RAB7A: variants seen among roughly 807,000 people sequenced by gnomAD.
The protein encoded by RAB7A is RAB7A, member RAS oncogene family, also known as ras-related protein Rab-7a.
In RAB7A, 2 loss-of-function variants were observed where a neutral mutation model predicts 24.5. The observed-to-expected ratio is 0.08, with a 90% CI of 0.03 to 0.26. RAB7A has a LOEUF of 0.26. RAB7A is among the 10% of genes least tolerant of loss of function. The pLI is 1.00. For synonymous variants in RAB7A, 100 were observed against 95.9 expected (o/e 1.04, Z -0.25); for missense variants, 118 against 255.7 (o/e 0.46, Z 3.67).
chr3:128,771,847 A>G (rs1932945218), intron 1 of RAB7A, among the ~76,000 whole-genome samples: 1 of 152,202 alleles, frequency 6.6e-6, no homozygotes, highest in Non-Finnish European at 1.5e-5. Flanking sequence ...CCTGGAAGCC[A>G]TTGCATTCTG....
At chr3:128,784,070 C>T (rs575440225) in intron 1 of RAB7A, among the ~76,000 whole-genome samples, 2 of 152,290 alleles carry the variant, frequency 1.3e-5, no homozygotes, top group Admixed American at 6.5e-5. Context: ...TTAGCACAGG[C>T]GTCTAGATAG....
chr3:128,800,135 G>C (rs902076717), intron 3 of RAB7A, among the ~76,000 whole-genome samples: 4 of 152,122 alleles, frequency 2.6e-5, no homozygotes, highest in Non-Finnish European at 5.9e-5. Flanking sequence ...TTTTCTAAAA[G>C]AAGACTTAAA....
Position 128,775,267 on chromosome 3 carries a change from C to T in RAB7A, c.-8-20093C>T, listed in dbSNP as rs138286359. ...GTTCAGATGGGAACTGGTAGGCCAC[C>T]TGGCTTTTAGTGAGACTGTTCACCT... On this transcript the variant is annotated intron_variant, in intron 1 of 5. Coordinates refer to ENST00000265062, the MANE Select transcript of RAB7A (RefSeq NM_004637.6). 3.3e-3 allele frequency among the ~76,000 whole-genome samples: 504 copies of T among 152,312 alleles called. 4 individuals carry two copies. The highest frequency in any genetic ancestry group is 0.012 in the African/African-American group (479 of 41,574).
At chr3:128,742,448 A>G (rs2070564178) in intron 1 of RAB7A, among the ~76,000 whole-genome samples, 1 of 152,114 alleles carries the variant, frequency 6.6e-6, no homozygotes, top group African/African-American at 2.4e-5. Flanking sequence ...TCCCAGCCAC[A>G]TCCTGCTGAT....
rs567683496 is a variant in RAB7A at position 128,772,665 on chromosome 3, G to T, written c.-8-22695G>T. Among the ~76,000 whole-genome samples, 5 of 152,324 alleles carry T rather than the reference G, an allele frequency of 3.3e-5. No homozygotes were observed. In the South Asian group the frequency reaches 8.3e-4, roughly 25 times the overall value. The stretch of plus-strand genomic sequence containing the variant: ...CCCTTTCGCAAATTGTTGGACTTGT[G>T]GTGGTTGTCTTGTGTCCCTAGTATC... On this transcript the variant is annotated intron_variant, in intron 1 of 5. Transcript: ENST00000265062.
chr3:128,782,000 G>A (rs1000125580), intron 1 of RAB7A, among the ~76,000 whole-genome samples: 8 of 152,000 alleles, frequency 5.3e-5, no homozygotes, highest in African/African-American at 1.7e-4. Flanking sequence ...GCGACAGAGC[G>A]AGACTCCATC....
intron 1 of RAB7A, among the ~76,000 whole-genome samples, chr3:128,793,282 A>G (rs746476170): frequency 2.9e-4 from 42 of 146,794 alleles, no homozygotes; most frequent in Admixed American, 1.2e-3. Flanking sequence ...TGGCCTCCCA[A>G]AGTGCTAGGA....
At chr3:128,785,139 T>G (rs1933309103) in intron 1 of RAB7A, 1 of 152,048 alleles carries the variant, frequency 6.6e-6, no homozygotes, top group Non-Finnish European at 1.5e-5. Flanking sequence ...CAGAATTACA[T>G]TTTTGCATCT....
At chr3:128,774,945 T>C (rs1344078023) in intron 1 of RAB7A, among the ~76,000 whole-genome samples, 1 of 152,046 alleles carries the variant, frequency 6.6e-6, no homozygotes, top group Non-Finnish European at 1.5e-5. Flanking sequence ...TACACCTGGC[T>C]AATTTTTGTA....
At chr3:128,750,484 A>T (rs2070665774) in intron 1 of RAB7A, among the ~76,000 whole-genome samples, 1 of 151,834 alleles carries the variant, frequency 6.6e-6, no homozygotes, top group Admixed American at 6.6e-5. Flanking sequence ...CTGGTCTCGA[A>T]CTCCTGACTT....
At chr3:128,807,421 C>T in intron 4 of RAB7A, 122 bp from the exon 5 acceptor site, 1 of 1,446,368 alleles carries the variant, frequency 6.9e-7, no homozygotes, top group South Asian at 1.2e-5. Flanking sequence ...CCCTCTTTCC[C>T]CATGTCTGTG....
At chr3:128,778,551 A>G (rs970497367) in intron 1 of RAB7A, among the ~76,000 whole-genome samples, 2 of 152,204 alleles carry the variant, frequency 1.3e-5, no homozygotes, top group East Asian at 1.9e-4. Context: ...TAAAATCACT[A>G]AAGGCTAATC....
chr3:128,813,260 G>T lies in RAB7A; in HGVS notation c.529-67G>T. 6 of 1,449,424 alleles carry T rather than the reference G, an allele frequency of 4.1e-6. No individual in the cohort carries two copies. In the South Asian group the frequency reaches 5.7e-5, roughly 14 times the overall value. 89.8% of individuals were successfully genotyped at this position (1,449,424 alleles called of 1,614,324 possible). A position where few individuals can be genotyped will look rare whatever the true frequency, so the allele number is the denominator to read the frequency against. On this transcript the variant is annotated intron_variant, in intron 5 of 5. Coordinates refer to ENST00000265062, the MANE Select transcript of RAB7A (RefSeq NM_004637.6). ...AGTGAGCCCCTCCTGGGCAGAAAGT[G>T]CCCGCAATGAGGGCTGAAATGTTTC...
intron 3 of RAB7A, chr3:128,799,163 C>G (rs139046717): frequency 6.5e-6 from 1 of 152,826 alleles, no homozygotes; most frequent in Non-Finnish European, 1.5e-5. Flanking sequence ...TAATAAGAAC[C>G]TGGTGTTTGC....
chr3:128,771,862 A>G (rs1167592741), intron 1 of RAB7A, among the ~76,000 whole-genome samples: 2 of 152,068 alleles, frequency 1.3e-5, no homozygotes, highest in Non-Finnish European at 2.9e-5. Flanking sequence ...ATTCTGACCA[A>G]CCTTTGTGTA....
intron 3 of RAB7A, 125 bp downstream of exon 3, chr3:128,798,194 G>C (rs1372762100): frequency 2.3e-6 from 3 of 1,289,962 alleles, no homozygotes; most frequent in Non-Finnish European, 3.3e-6. Flanking sequence ...TAGATAATTG[G>C]CTGATACTCA....
chr3:128,730,233 CTTT>C (rs35639393), intron 1 of RAB7A, among the ~76,000 whole-genome samples: 2 of 143,118 alleles, frequency 1.4e-5, no homozygotes, highest in Non-Finnish European at 3.1e-5. Context: ...TGTTTTAAAA[CTTT>C]TTTTTTTTTT....
intron 1 of RAB7A, among the ~76,000 whole-genome samples, chr3:128,730,527 C>T (rs1314302927): frequency 2.0e-5 from 3 of 152,142 alleles, no homozygotes; most frequent in African/African-American, 7.2e-5. Flanking sequence ...CATGCCCAGC[C>T]TAAAACTTAT....
chr3:128,730,491 G>A (rs975117269), intron 1 of RAB7A, among the ~76,000 whole-genome samples: 1 of 152,318 alleles, frequency 6.6e-6, no homozygotes, highest in Non-Finnish European at 1.5e-5. Context: ...GCCTCCCAAA[G>A]TGCTGGAATT....
Sources: allele counts gnomAD v4.1 joint callset (sites outside exome capture counted in the v4.1 genomes callset), GRCh38; gene constraint gnomAD v4.1.1; transcripts MANE v1.5; gene names NCBI Gene and HGNC (gene_info 2026-07-23, HGNC 2026-07-21).